The following TRAPPC11 variants were observed in gnomAD, a reference collection of about 807,000 sequenced individuals.
TRAPPC11 encodes foie gras homolog.
Under a neutral mutation model 151.2 loss-of-function variants are expected in TRAPPC11, and 104 were observed. The observed-to-expected ratio is 0.69, with a 90% CI of 0.59 to 0.81. The LOEUF is 0.81. TRAPPC11 is among the 30% of genes least tolerant of loss of function. TRAPPC11 has a pLI of 0.00. For synonymous variants in TRAPPC11, 456 were observed against 472.3 expected, an observed-to-expected ratio of 0.97 and a Z score of 0.45; for missense variants, 1,230 against 1,349.6, an observed-to-expected ratio of 0.91 and a Z score of 1.39.
At chr4:183,668,291 A>G (rs1394845701) in intron 5 of TRAPPC11, among the ~76,000 whole-genome samples, 174 bp downstream of exon 5, 2 of 152,206 alleles carry the variant, frequency 1.3e-5, no homozygotes, top group African/African-American at 2.4e-5. Context: ...ACCCTCTCCA[A>G]TTCCCTGAGG....
At chr4:183,661,587 G>A (rs1232050207) in intron 1 of TRAPPC11, among the ~76,000 whole-genome samples, 1 of 151,494 alleles carries the variant, frequency 6.6e-6, no homozygotes, top group African/African-American at 2.4e-5. Flanking sequence ...TAGCCAGGAT[G>A]GTCTCGATCT....
At chr4:183,679,882 G>C (rs1735589022) in intron 9 of TRAPPC11, among the ~76,000 whole-genome samples, 1 of 152,152 alleles carries the variant, frequency 6.6e-6, no homozygotes, top group Non-Finnish European at 1.5e-5. Flanking sequence ...TTGAGATCTA[G>C]TTTGATGGTA....
chr4:183,663,363 A>G (rs1242998767), intron 1 of TRAPPC11, among the ~76,000 whole-genome samples: 1 of 152,102 alleles, frequency 6.6e-6, no homozygotes, highest in Non-Finnish European at 1.5e-5. Context: ...CCTCCTGAGT[A>G]GCTGGGACTA....
At position 183,697,616 on chromosome 4, in the gene TRAPPC11, G is replaced by T. The variant is rs377162388; in HGVS notation, c.2694+48G>T. 56 of 1,606,400 alleles carry T rather than the reference G, an allele frequency of 3.5e-5. No individual in the cohort carries two copies. In the African/African-American group the frequency reaches 6.3e-4, roughly 18 times the overall value. On this transcript the variant is annotated intron_variant, in intron 24 of 29. Transcript: ENST00000334690. Reference sequence around the variant, plus strand: ...AGAAATCATTTAGGTTATAAAAATGGACTGAAATGATAAAATGGATTAAGG... The same window carrying T: ...AGAAATCATTTAGGTTATAAAAATGTACTGAAATGATAAAATGGATTAAGG...
At chr4:183,701,674 A>C (rs1224566362) in intron 25 of TRAPPC11, 23 bp from the exon 26 acceptor site, 1 of 1,513,404 alleles carries the variant, frequency 6.6e-7, no homozygotes, top group Admixed American at 1.7e-5. Flanking sequence ...TTGCATAAGG[A>C]ATATAAAGAC....
intron 5 of TRAPPC11, among the ~76,000 whole-genome samples, chr4:183,674,153 A>T (rs1378305843): frequency 1.3e-5 from 2 of 152,092 alleles, no homozygotes; most frequent in African/African-American, 4.8e-5. Context: ...CACACCTGTG[A>T]TCCTAATCCC....
Position 183,697,812 on chromosome 4 carries a change from A to C in TRAPPC11, c.2828A>C (p.Gln943Pro). The C allele has an allele frequency of 6.2e-7, 1 of 1,613,838 alleles. No individual in the cohort carries two copies. The highest frequency in any genetic ancestry group is 8.5e-7 in the Non-Finnish European group (1 of 1,179,996). The change falls in exon 25 of 30, where the codon CAG becomes CCG. Residue 943 changes from glutamine (Q) to proline (P), a missense_variant. By Grantham distance (76) the Gln-to-Pro change is moderately conservative. Coordinates refer to ENST00000334690, the MANE Select transcript of TRAPPC11 (RefSeq NM_021942.6). Reference protein sequence around the residue: ...QLAPSMTTVDQLESQVDNVIL... With the variant: ...QLAPSMTTVDPLESQVDNVIL... ...GCTCCATCCATGACCACAGTGGACC[A>C]GCTCGAGTCTCAAGTGGACAATGGT...
chr4:183,662,768 A>G (rs1434129056), intron 1 of TRAPPC11, among the ~76,000 whole-genome samples: 1 of 152,010 alleles, frequency 6.6e-6, no homozygotes, highest in African/African-American at 2.4e-5. Flanking sequence ...TTCTTTCAAT[A>G]TATTTTTCTT....
At chr4:183,680,341 G>C (rs899047806) in intron 10 of TRAPPC11, 74 bp downstream of exon 10, 2 of 1,426,860 alleles carry the variant, frequency 1.4e-6, no homozygotes, top group Non-Finnish European at 1.9e-6. Context: ...GAACTGATTG[G>C]TGTTGATAAT....
At chr4:183,695,447 G>A (rs910013108) in intron 23 of TRAPPC11, among the ~76,000 whole-genome samples, 1 of 152,098 alleles carries the variant, frequency 6.6e-6, no homozygotes, top group African/African-American at 2.4e-5. Context: ...AAATAGGAAC[G>A]ATCACGGTTA....
At chr4:183,666,481 C>T in intron 3 of TRAPPC11, 55 bp downstream of exon 3, 10 of 1,553,772 alleles carry the variant, frequency 6.4e-6, no homozygotes, top group Non-Finnish European at 8.7e-6. Context: ...GTGTTATTCA[C>T]TAACATTCCT....
In TRAPPC11 at chr4:183,686,891, A is replaced by G. The variant is rs56760705; in HGVS notation, c.1893+143A>G. The G allele has an allele frequency of 0.25, 245,765 of 980,158 alleles. 33,439 individuals carry two copies. The highest frequency in any genetic ancestry group is 0.38 in the African/African-American group (22,953 of 60,946). The allele number at this position is 980,158 out of a possible 1,614,324, so 60.7% of individuals were successfully genotyped here. On this transcript the variant is annotated intron_variant, in intron 18 of 29. Coordinates refer to ENST00000334690, the MANE Select transcript of TRAPPC11 (RefSeq NM_021942.6). ...TTTGGTAAGGTCTATTCAAAAATAT[A>G]TCTCCAGGGCCGGGCACAGTGGCTC...
intron 5 of TRAPPC11, among the ~76,000 whole-genome samples, chr4:183,673,686 AAATGAAATGAAAT>A (rs1297403565): frequency 6.6e-6 from 1 of 152,214 alleles, no homozygotes; most frequent in Non-Finnish European, 1.5e-5. Context: ...AAATGAAATG[AAATGAAATGAAAT>A]AATGAAATGA....
Position 183,691,416 on chromosome 4 carries a change from G to C in TRAPPC11, c.1994G>C (p.Arg665Thr). Residue 665 changes from arginine to threonine, a missense_variant, in exon 19 of 30, where the codon AGA becomes ACA. By Grantham distance (71) the Arg-to-Thr change is moderately conservative (BLOSUM62 -1). Transcript: ENST00000334690. ...GKMCLVPGKTRKLLFKFVAKT... is the reference protein window; with the variant it reads ...GKMCLVPGKTTKLLFKFVAKT... The stretch of plus-strand genomic sequence containing the variant: ...ATGTGCCTAGTTCCTGGCAAAACAA[G>C]AAAACTGTTATTTAAGTTTGTTGCA... 1 of 1,543,164 alleles carries C rather than the reference G, an allele frequency of 6.5e-7. No individual in the cohort carries two copies. Among genetic ancestry groups the C allele is most frequent in the Non-Finnish European group, 8.8e-7 (1 of 1,136,302 alleles).
chr4:183,700,164 A>G (rs981631194), intron 25 of TRAPPC11, among the ~76,000 whole-genome samples: 1 of 152,204 alleles, frequency 6.6e-6, no homozygotes. Context: ...TCTTACAATT[A>G]AGGAGAACTT....
At chr4:183,663,185 G>T (rs4645253) in intron 1 of TRAPPC11, among the ~76,000 whole-genome samples, 1 of 151,922 alleles carries the variant, frequency 6.6e-6, no homozygotes, top group African/African-American at 2.4e-5. Flanking sequence ...TCCTGCCTCA[G>T]CCTCCAAGTA....
In TRAPPC11 at chr4:183,712,839, A is replaced by G; in HGVS notation, c.*195A>G. The G allele has an allele frequency of 1.2e-5, 6 of 494,588 alleles. No individual in the cohort carries two copies. Among genetic ancestry groups the G allele is most frequent in the Non-Finnish European group, 2.1e-5 (6 of 280,774 alleles). The allele number at this position is 494,588 out of a possible 1,614,324, so 30.6% of individuals were successfully genotyped here. On this transcript the variant is annotated 3_prime_UTR_variant, in exon 30 of 30. Coordinates refer to ENST00000334690, the MANE Select transcript of TRAPPC11 (RefSeq NM_021942.6). Reference sequence around the variant, plus strand: ...ATCTGTCTTATAGTTTCTCTAATAAATATCTGAAATCTCAGTACGACATGA... The same window carrying G: ...ATCTGTCTTATAGTTTCTCTAATAAGTATCTGAAATCTCAGTACGACATGA...
At chr4:183,688,311 C>T (rs1252420287) in intron 18 of TRAPPC11, among the ~76,000 whole-genome samples, 1 of 151,912 alleles carries the variant, frequency 6.6e-6, no homozygotes, top group East Asian at 1.9e-4. Context: ...TACGATAGGT[C>T]GAAAAGATGG....
chr4:183,708,365 T>C (rs775535222), intron 28 of TRAPPC11, 42 bp from the exon 29 acceptor site: 4 of 1,585,878 alleles, frequency 2.5e-6, no homozygotes, highest in Admixed American at 3.5e-5. Flanking sequence ...ATTGCACATA[T>C]GTGTATTTGA....
Sources: allele counts gnomAD v4.1 joint callset (sites outside exome capture counted in the v4.1 genomes callset), GRCh38; gene constraint gnomAD v4.1.1; transcripts MANE v1.5; gene names NCBI Gene and HGNC (gene_info 2026-07-23, HGNC 2026-07-21).